CUX1: variants seen among roughly 807,000 people sequenced by gnomAD.
CUX1 encodes the protein protein CASP.
Under a neutral mutation model 158.8 loss-of-function variants are expected in CUX1, and 31 were observed. That is an observed-to-expected ratio of 0.20 (90% confidence interval 0.15 to 0.26). The LOEUF (loss-of-function observed/expected upper bound fraction) is 0.26, where lower values mean the gene tolerates loss of function less well. Among genes scored for constraint, CUX1 ranks in the 10% least tolerant of loss-of-function variants. The probability of loss-of-function intolerance (pLI) is 1.00; values close to 1 mark genes in which losing one functional copy is unlikely to be tolerated. For missense variants in CUX1, 1,589 were observed against 2,014.6 expected, an observed-to-expected ratio of 0.79 and a Z score of 4.04; for synonymous variants, 879 against 862.1, an observed-to-expected ratio of 1.02 and a Z score of -0.34.
intron 2 of CUX1, among the ~76,000 whole-genome samples, chr7:101,972,905 C>G (rs1563077528): frequency 1.3e-5 from 2 of 152,188 alleles, no homozygotes; most frequent in African/African-American, 4.8e-5. Flanking sequence ...CTTTCTGTTA[C>G]CACTGACCCA....
Position 102,053,805 on chromosome 7 carries a change from T to C in CUX1, c.190-16534T>C, listed in dbSNP as rs796435079. On this transcript the variant is annotated intron_variant, in intron 3 of 23. Coordinates refer to ENST00000292535, the MANE Select transcript of CUX1 (RefSeq NM_181552.4). ...CATTCTGTGGGTTGTCTTCTCACTT[T>C]TTTTTTTTTTTTTTTTTTTGAGACA... Among the ~76,000 whole-genome samples, 77 of 141,840 alleles carry C rather than the reference T, an allele frequency of 5.4e-4. 1 individual carries two copies. Among genetic ancestry groups the C allele is most frequent in the African/African-American group, 2.1e-3 (74 of 35,562 alleles). The allele number at this position is 141,840 out of a possible 152,430, so 93.1% of individuals were successfully genotyped here.
At chr7:101,925,072 A>G (rs1479702008) in intron 2 of CUX1, among the ~76,000 whole-genome samples, 1 of 152,168 alleles carries the variant, frequency 6.6e-6, no homozygotes, top group African/African-American at 2.4e-5. Flanking sequence ...GAGCCCATTG[A>G]GTTGGCTTCA....
At position 102,272,669 on chromosome 7, in the gene CUX1, C is replaced by T. The variant is rs147565563; in HGVS notation, c.1256-697C>T. Among the ~76,000 whole-genome samples, 689 of 152,308 alleles carry T rather than the reference C, an allele frequency of 4.5e-3. 8 individuals are homozygous for T. Among genetic ancestry groups the T allele is most frequent in the East Asian group, 0.038 (196 of 5,174 alleles). ...TGCGTGCTTGGGTCTGGGTCCCTTC[C>T]CCGACATCTCTCACCCTCCTGCAGG... is the stretch of plus-strand genomic sequence containing the variant. On this transcript the variant is annotated intron_variant, in intron 14 of 22. Transcript: ENST00000292538.
chr7:102,204,287 G>C lies in CUX1; in HGVS notation c.2908-104G>C. 1.4e-6 allele frequency: 2 copies of C among 1,453,280 alleles called. 1 individual carries two copies. The highest frequency in any genetic ancestry group is 2.5e-5 in the South Asian group (2 of 79,028). 90.0% of individuals were successfully genotyped at this position (1,453,280 alleles called of 1,614,324 possible). ...GCCGTGGTTCTGTGCTCAGAAGTCAGCCCTAGACGCGCCCTCTGCGTGGTG... is the reference window on the plus strand; with the variant it reads ...GCCGTGGTTCTGTGCTCAGAAGTCACCCCTAGACGCGCCCTCTGCGTGGTG... On this transcript the variant is annotated intron_variant, in intron 18 of 23. Transcript: ENST00000292535.
intron 8 of CUX1, among the ~76,000 whole-genome samples, chr7:102,120,929 G>C (rs1831964699): frequency 6.6e-6 from 1 of 152,156 alleles, no homozygotes; most frequent in Admixed American, 6.6e-5. Context: ...TCTGGGCATG[G>C]TGTTGTGCCT....
At chr7:101,944,235 A>C (rs1264925083) in intron 2 of CUX1, among the ~76,000 whole-genome samples, 2 of 152,062 alleles carry the variant, frequency 1.3e-5, no homozygotes, top group Non-Finnish European at 2.9e-5. Context: ...TGTGTCCAAG[A>C]GTCCTGCAGG....
At chr7:101,864,128 TCCACAG>T (rs1387304633) in intron 1 of CUX1, among the ~76,000 whole-genome samples, 1 of 151,848 alleles carries the variant, frequency 6.6e-6, no homozygotes, top group Non-Finnish European at 1.5e-5. Flanking sequence ...TTCCAATTTC[TCCACAG>T]CCTCGCCAGC....
intron 8 of CUX1, among the ~76,000 whole-genome samples, chr7:102,123,378 G>C (rs1832266395): frequency 1.3e-5 from 2 of 152,044 alleles, no homozygotes; most frequent in Non-Finnish European, 2.9e-5. Flanking sequence ...GGGAGGCCGA[G>C]GCGGGCGAAT....
intron 2 of CUX1, among the ~76,000 whole-genome samples, chr7:101,996,881 G>A (rs996304840): frequency 7.2e-5 from 11 of 151,938 alleles, no homozygotes; most frequent in Non-Finnish European, 1.3e-4. Context: ...TGGAAATCTC[G>A]TGTCCCCTCC....
rs1554542511 is a variant in CUX1 at position 102,257,624 on chromosome 7, G to A, written c.*8582G>A. The A allele has an allele frequency of 3.0e-6, 3 of 985,196 alleles. No individual in the cohort carries two copies. The highest frequency in any genetic ancestry group is 6.2e-5 in the Admixed American group (1 of 16,254). 61.0% of individuals were successfully genotyped at this position (985,196 alleles called of 1,614,324 possible). ...TTGCCTTGAGAGCGGGTAGCACCAC[G>A]CTCCTGTCCAGACTACTAACAGCAC... On this transcript the variant is annotated 3_prime_UTR_variant, in exon 24 of 24. Transcript: ENST00000292535.
intron 18 of CUX1, among the ~76,000 whole-genome samples, chr7:102,279,171 T>G (rs1791860897): frequency 6.6e-6 from 1 of 151,858 alleles, no homozygotes; most frequent in South Asian, 2.1e-4. Context: ...TGAAACCCCG[T>G]CTCTACTAAA....
intron 17 of CUX1, among the ~76,000 whole-genome samples, chr7:102,276,427 G>A (rs574757415): frequency 9.9e-5 from 15 of 152,176 alleles, no homozygotes; most frequent in Non-Finnish European, 1.6e-4. Flanking sequence ...TCAGCCTCCC[G>A]GATAGCTGAG....
chr7:101,910,093 G>A (rs1188067463), intron 1 of CUX1, among the ~76,000 whole-genome samples: 1 of 152,000 alleles, frequency 6.6e-6, no homozygotes, highest in African/African-American at 2.4e-5. Flanking sequence ...CTAATTTTTT[G>A]TATTTTTAGT....
downstream of CUX1, among the ~76,000 whole-genome samples, chr7:102,258,924 CT>C (rs1163178604): frequency 4.6e-4 from 70 of 152,154 alleles, no homozygotes; most frequent in African/African-American, 1.5e-3. Flanking sequence ...GGGGAGAGCT[CT>C]GCAGAGGTGG....
intron 1 of CUX1, among the ~76,000 whole-genome samples, chr7:101,843,917 G>A (rs1367279198): frequency 6.6e-6 from 1 of 152,168 alleles, no homozygotes; most frequent in Non-Finnish European, 1.5e-5. Flanking sequence ...TGGCTAACCA[G>A]GCCTAAATCT....
At chr7:102,108,894 A>T (rs1316575890) in intron 6 of CUX1, among the ~76,000 whole-genome samples, 1 of 152,216 alleles carries the variant, frequency 6.6e-6, no homozygotes, top group East Asian at 1.9e-4. Context: ...AGCTGGGGTT[A>T]CAGGTGCCCA....
At chr7:102,205,225 T>G in intron 20 of CUX1, 55 bp downstream of exon 20, 1 of 1,301,814 alleles carries the variant, frequency 7.7e-7, no homozygotes, top group South Asian at 1.2e-5. Flanking sequence ...CCTTTTCTGT[T>G]GTCCCGTGCT....
chr7:101,997,340 GTTTGTTTGT>G (rs962736315), intron 2 of CUX1, among the ~76,000 whole-genome samples: 3 of 152,090 alleles, frequency 2.0e-5, no homozygotes, highest in African/African-American at 7.2e-5. Flanking sequence ...TTGTTTGTTT[GTTTGTTTGT>G]TTTGTTTTCT....
In CUX1 at chr7:102,253,676, C is replaced by T; in HGVS notation, c.*4634C>T. ...AGATTTTGAACTGAGGGGCGACAGC[C>T]TTTGCCTTAAATGCAGTATGACAGG... On this transcript the variant is annotated 3_prime_UTR_variant, in exon 24 of 24. Transcript: ENST00000292535. 1 of 985,466 alleles carries T rather than the reference C, an allele frequency of 1.0e-6. No individual in the cohort carries two copies. The highest frequency in any genetic ancestry group is 1.2e-6 in the Non-Finnish European group (1 of 829,944). The allele number at this position is 985,466 out of a possible 1,614,324, so 61.0% of individuals were successfully genotyped here. A position where few individuals can be genotyped will look rare whatever the true frequency, so the allele number is the denominator to read the frequency against.
Sources: allele counts gnomAD v4.1 joint callset (sites outside exome capture counted in the v4.1 genomes callset), GRCh38; gene constraint gnomAD v4.1.1; transcripts MANE v1.5; gene names NCBI Gene and HGNC (gene_info 2026-07-23, HGNC 2026-07-21).